FRMPD4: variants seen among roughly 807,000 people sequenced by gnomAD.
FRMPD4 encodes FERM and PDZ domain-containing protein 4.
In FRMPD4, 22 loss-of-function variants were observed where a neutral mutation model predicts 94.1. The ratio of observed to expected loss-of-function variants is 0.23; its 90% confidence interval spans 0.17 to 0.33. FRMPD4 has a LOEUF of 0.33. FRMPD4 is among the 10% of genes least tolerant of loss of function. The probability of loss-of-function intolerance (pLI) is 1.00; values close to 1 mark genes in which losing one functional copy is unlikely to be tolerated. For synonymous variants in FRMPD4, 631 were observed against 548.6 expected (o/e 1.15, Z -2.10); for missense variants, 1,111 against 1,339.9 (o/e 0.83, Z 2.67).
intron 1 of FRMPD4, among the ~76,000 whole-genome samples, chrX:12,167,357 G>T (rs375460257): frequency 8.9e-6 from 1 of 111,963 alleles, no homozygotes; most frequent in Admixed American, 9.5e-5. Flanking sequence ...ATGTAGTTGA[G>T]CAGTTTTGAG....
At chrX:12,588,931 C>A (rs5979673) in intron 2 of FRMPD4, among the ~76,000 whole-genome samples, 4,039 of 111,847 alleles carry the variant, frequency 0.036, 173 homozygotes, top group African/African-American at 0.12. Flanking sequence ...GAATCATATG[C>A]CACTTTTAAA....
chrX:12,369,777 T>C (rs1398029054), intron 1 of FRMPD4, among the ~76,000 whole-genome samples: 1 of 111,954 alleles, frequency 8.9e-6, no homozygotes, highest in Non-Finnish European at 1.9e-5. Flanking sequence ...ATGATGTGAG[T>C]GTGACTAGAG....
chrX:12,047,844 G>A (rs2054794403), intron 3 of FRMPD4, among the ~76,000 whole-genome samples: 1 of 112,340 alleles, frequency 8.9e-6, no homozygotes, highest in African/African-American at 3.2e-5. Context: ...TTTTATAGCT[G>A]CATAGTATTC....
At chrX:12,306,398 G>A (rs1400676497) in intron 1 of FRMPD4, among the ~76,000 whole-genome samples, 3 of 111,928 alleles carry the variant, frequency 2.7e-5, no homozygotes, top group Non-Finnish European at 3.8e-5. Flanking sequence ...TTGCAGTGAC[G>A]AGCATTTAGG....
intron 2 of FRMPD4, among the ~76,000 whole-genome samples, chrX:12,606,616 A>C (rs1294698631): frequency 1.8e-5 from 2 of 111,383 alleles, no homozygotes; most frequent in African/African-American, 6.5e-5. Flanking sequence ...CCTCGGTTCT[A>C]AAACACGTGT....
chrX:12,095,560 G>A (rs1348083511), intron 3 of FRMPD4, among the ~76,000 whole-genome samples: 5 of 110,913 alleles, frequency 4.5e-5, no homozygotes, highest in African/African-American at 1.3e-4. Flanking sequence ...TGCCCACAAA[G>A]CCTAAAATGT....
intron 1 of FRMPD4, among the ~76,000 whole-genome samples, chrX:12,294,194 A>G (rs775876656): frequency 9.0e-6 from 1 of 111,222 alleles, no homozygotes; most frequent in East Asian, 2.8e-4. Flanking sequence ...GTGTCCCTGG[A>G]GGGTGTCCCT....
intron 1 of FRMPD4, among the ~76,000 whole-genome samples, chrX:12,393,126 T>C (rs186266068): frequency 8.9e-6 from 1 of 112,706 alleles, no homozygotes; most frequent in East Asian, 2.8e-4. Flanking sequence ...TCTATCCTTC[T>C]GTGCTTTGAT....
chrX:12,381,195 G>GAATT (rs1264941511), intron 1 of FRMPD4, among the ~76,000 whole-genome samples: 3 of 112,297 alleles, frequency 2.7e-5, no homozygotes, highest in African/African-American at 9.7e-5. Flanking sequence ...TGGGGTCACA[G>GAATT]AATTATTAGT....
chrX:12,055,973 T>TTCC (rs2054852086), intron 3 of FRMPD4, among the ~76,000 whole-genome samples: 1 of 111,815 alleles, frequency 8.9e-6, no homozygotes, highest in Admixed American at 9.5e-5. Flanking sequence ...ATTTCCCAAG[T>TTCC]TCCTCCTCCT....
chrX:12,073,507 C>T (rs999644763), intron 3 of FRMPD4, among the ~76,000 whole-genome samples: 2 of 111,838 alleles, frequency 1.8e-5, no homozygotes, highest in African/African-American at 3.3e-5. Flanking sequence ...ATTCCTACCT[C>T]ATAAGCCATA....
chrX:12,161,913 G>T (rs753930585), intron 1 of FRMPD4, among the ~76,000 whole-genome samples: 2 of 111,563 alleles, frequency 1.8e-5, no homozygotes, highest in East Asian at 5.6e-4. Context: ...TACTATCAAA[G>T]GAAATAGATC....
chrX:12,332,195 T>C (rs1479783009), intron 1 of FRMPD4, among the ~76,000 whole-genome samples: 4 of 63,732 alleles, frequency 6.3e-5, no homozygotes, highest in Non-Finnish European at 1.0e-4. Context: ...ATATTTTATA[T>C]ATATATATAT....
chrX:12,634,479 G>A (rs2059424388), intron 4 of FRMPD4, among the ~76,000 whole-genome samples: 1 of 111,974 alleles, frequency 8.9e-6, no homozygotes, highest in Non-Finnish European at 1.9e-5. Flanking sequence ...AGCTCACTTT[G>A]AATTCCATAA....
intron 3 of FRMPD4, among the ~76,000 whole-genome samples, chrX:12,062,274 C>T (rs183155945): frequency 4.1e-4 from 46 of 111,622 alleles, no homozygotes; most frequent in Middle Eastern, 4.6e-3. Flanking sequence ...AAATCCATTT[C>T]GCTGTTTTGT....
intron 2 of FRMPD4, among the ~76,000 whole-genome samples, chrX:12,559,935 T>C (rs2058635490): frequency 9.0e-6 from 1 of 111,455 alleles, no homozygotes; most frequent in East Asian, 2.8e-4. Flanking sequence ...CTCAATGTTT[T>C]GTTTAGAGAT....
At chrX:12,561,174 G>A (rs978369541) in intron 2 of FRMPD4, among the ~76,000 whole-genome samples, 2 of 111,662 alleles carry the variant, frequency 1.8e-5, no homozygotes, top group Non-Finnish European at 3.8e-5. Flanking sequence ...AAATCAGTAC[G>A]TCCAAATGTC....
chrX:12,351,469 A>G (rs1254269659), intron 1 of FRMPD4, among the ~76,000 whole-genome samples: 1 of 112,265 alleles, frequency 8.9e-6, no homozygotes, highest in African/African-American at 3.2e-5. Context: ...GACAATCTCC[A>G]TCATTTCAAA....
intron 1 of FRMPD4, among the ~76,000 whole-genome samples, chrX:12,316,963 C>G (rs191032210): frequency 1.2e-3 from 132 of 111,484 alleles, no homozygotes; most frequent in African/African-American, 4.2e-3. Flanking sequence ...TTAGTAAAAT[C>G]GTTAAAATTT....
Sources: allele counts gnomAD v4.1 joint callset (sites outside exome capture counted in the v4.1 genomes callset), GRCh38; gene constraint gnomAD v4.1.1; transcripts MANE v1.5; gene names NCBI Gene and HGNC (gene_info 2026-07-23, HGNC 2026-07-21).